LINGO2: variants seen among roughly 807,000 people sequenced by gnomAD.
LINGO2 encodes leucine rich repeat and Ig domain containing 2.
A neutral mutation model predicts 30.6 loss-of-function variants in LINGO2; 14 were observed. The ratio of observed to expected loss-of-function variants is 0.46; its 90% CI spans 0.30 to 0.72. The LOEUF (loss-of-function observed/expected upper bound fraction) is 0.72. Among genes scored for constraint, LINGO2 ranks in the 30% least tolerant of loss-of-function variants. The probability of loss-of-function intolerance (pLI) is 0.07; values close to 1 mark genes in which losing one functional copy is unlikely to be tolerated. For missense variants in LINGO2, 729 were observed against 751.7 expected, an observed-to-expected ratio of 0.97 and a Z score of 0.35; for synonymous variants, 317 against 288.5, an observed-to-expected ratio of 1.10 and a Z score of -1.00.
chr9:28,265,540 TAAG>T (rs1307994424), intron 4 of LINGO2, among the ~76,000 whole-genome samples: 2 of 152,004 alleles, frequency 1.3e-5, no homozygotes, highest in African/African-American at 4.8e-5. Context: ...TGTATTTATG[TAAG>T]AAGATATTTT....
the LINGO2 span, among the ~76,000 whole-genome samples, chr9:28,943,305 T>C: frequency 3.3e-5 from 5 of 151,998 alleles, no homozygotes; most frequent in Non-Finnish European, 5.9e-5. Context: ...CTTTGACTAC[T>C]ATGGGAATTA....
the LINGO2 span, among the ~76,000 whole-genome samples, chr9:28,950,240 T>C: frequency 6.6e-5 from 10 of 152,212 alleles, no homozygotes; most frequent in Admixed American, 3.3e-4. Flanking sequence ...TGATGGAACG[T>C]ATCTCAAAAT....
At chr9:28,876,149 A>G in the LINGO2 span, among the ~76,000 whole-genome samples, 1 of 152,096 alleles carries the variant, frequency 6.6e-6, no homozygotes. Context: ...TAATGTCTGC[A>G]CAGTGATTTG....
chr9:28,262,276 T>G (rs1366798323), intron 4 of LINGO2, among the ~76,000 whole-genome samples: 1 of 151,952 alleles, frequency 6.6e-6, no homozygotes, highest in Non-Finnish European at 1.5e-5. Context: ...ATTACTTTTT[T>G]TTTTGTCTAT....
the LINGO2 span, among the ~76,000 whole-genome samples, chr9:28,870,683 A>G: frequency 6.6e-6 from 1 of 151,952 alleles, no homozygotes; most frequent in African/African-American, 2.4e-5. Context: ...CTTGGTGTCT[A>G]TAGCAATCAT....
chr9:28,723,233 C>T, the LINGO2 span, among the ~76,000 whole-genome samples: 1 of 152,122 alleles, frequency 6.6e-6, no homozygotes, highest in Non-Finnish European at 1.5e-5. Flanking sequence ...AATATGCTCT[C>T]AGGTGACGTT....
At chr9:29,196,064 T>C in the LINGO2 span, among the ~76,000 whole-genome samples, 1 of 152,128 alleles carries the variant, frequency 6.6e-6, no homozygotes, top group Admixed American at 6.6e-5. Context: ...GTTTGATACT[T>C]TACAGGTTTT....
chr9:28,348,292 C>A (rs35550563), intron 3 of LINGO2, among the ~76,000 whole-genome samples: 3 of 151,880 alleles, frequency 2.0e-5, no homozygotes, highest in Non-Finnish European at 4.4e-5. Flanking sequence ...TGGGTGTGTG[C>A]ACCGTGCACG....
chr9:28,004,384 G>A (rs1033968666), intron 5 of LINGO2, among the ~76,000 whole-genome samples: 1 of 152,050 alleles, frequency 6.6e-6, no homozygotes, highest in Non-Finnish European at 1.5e-5. Flanking sequence ...ACAGCTTAAA[G>A]CACAGTATTG....
chr9:28,883,106 C>T, the LINGO2 span, among the ~76,000 whole-genome samples: 30 of 152,298 alleles, frequency 2.0e-4, no homozygotes, highest in African/African-American at 6.5e-4. Flanking sequence ...TGATTTGGAG[C>T]TGTTATCTAC....
At chr9:29,015,294 G>A in the LINGO2 span, among the ~76,000 whole-genome samples, 84 of 152,188 alleles carry the variant, frequency 5.5e-4, no homozygotes, top group South Asian at 0.017. Context: ...CCACATAAAG[G>A]TATACAAATA....
At chr9:28,929,358 T>C in the LINGO2 span, among the ~76,000 whole-genome samples, 1 of 152,188 alleles carries the variant, frequency 6.6e-6, no homozygotes, top group Admixed American at 6.6e-5. Context: ...AAAAGAGTAT[T>C]AGAAAAAGCA....
In LINGO2 at chr9:28,078,481, T is replaced by C. The variant is rs1231623738; in HGVS notation, c.-86-66076A>G. 2.0e-5 allele frequency among the ~76,000 whole-genome samples: 3 copies of C among 148,702 alleles called. 1 individual carries two copies. The highest frequency in any genetic ancestry group is 7.9e-5 in the African/African-American group (3 of 38,116). ...GATTTGTGAGCACATGGAAAAAGAA[T>C]AGTGATCCTAGGAGCTACCATATAT... is the stretch of plus-strand genomic sequence containing the variant. On this transcript the variant is annotated intron_variant, in intron 4 of 5. Coordinates refer to ENST00000379992, the Ensembl canonical transcript of LINGO2.
At chr9:28,378,730 C>T (rs1344056034) in intron 2 of LINGO2, among the ~76,000 whole-genome samples, 2 of 152,142 alleles carry the variant, frequency 1.3e-5, no homozygotes, top group Non-Finnish European at 2.9e-5. Context: ...TACATCAATT[C>T]ATTCTTAATT....
chr9:28,470,551 C>A (rs58422075), intron 2 of LINGO2, among the ~76,000 whole-genome samples: 4,143 of 152,204 alleles, frequency 0.027, 175 homozygotes, highest in African/African-American at 0.088. Flanking sequence ...CCTCCTGGAT[C>A]ATTTTCATGC....
intron 4 of LINGO2, among the ~76,000 whole-genome samples, chr9:28,294,659 C>A (rs1823859656): frequency 6.6e-6 from 1 of 152,060 alleles, no homozygotes; most frequent in Non-Finnish European, 1.5e-5. Context: ...TGTTTTAAAT[C>A]CTCAGAGCCA....
the LINGO2 span, among the ~76,000 whole-genome samples, chr9:28,792,539 C>A: frequency 6.6e-6 from 1 of 152,016 alleles, no homozygotes; most frequent in Non-Finnish European, 1.5e-5. Flanking sequence ...AATTGCTTTA[C>A]TAGTCTTATT....
chr9:28,005,593 T>G (rs1261743349), intron 5 of LINGO2, among the ~76,000 whole-genome samples: 6 of 152,178 alleles, frequency 3.9e-5, no homozygotes, highest in Non-Finnish European at 8.8e-5. Context: ...CTTTTTAAGT[T>G]TAAAGAATAT....
At chr9:28,083,500 C>T (rs1377691248) in intron 4 of LINGO2, among the ~76,000 whole-genome samples, 1 of 152,116 alleles carries the variant, frequency 6.6e-6, no homozygotes, top group Admixed American at 6.6e-5. Flanking sequence ...GCTATAGTTG[C>T]CAGCACATTT....
Sources: allele counts gnomAD v4.1 joint callset (sites outside exome capture counted in the v4.1 genomes callset), GRCh38; gene constraint gnomAD v4.1.1; transcripts MANE v1.5; gene names NCBI Gene and HGNC (gene_info 2026-07-23, HGNC 2026-07-21).